Variants in THSD7A observed in about 807,000 individuals in gnomAD.
THSD7A encodes the protein thrombospondin type-1 domain-containing protein 7A.
THSD7A carries 96 observed loss-of-function variants against 231.3 expected under a neutral mutation model. That is an observed-to-expected ratio of 0.41 (90% CI 0.35 to 0.49). The LOEUF (loss-of-function observed/expected upper bound fraction) is 0.49. Among genes scored for constraint, THSD7A ranks in the 20% least tolerant of loss-of-function variants. The pLI is 0.05. For synonymous variants in THSD7A, 940 were observed against 743.3 expected, an observed-to-expected ratio of 1.26 and a Z score of -4.30; for missense variants, 2,290 against 2,070.2, an observed-to-expected ratio of 1.11 and a Z score of -2.06.
intron 1 of THSD7A, among the ~76,000 whole-genome samples, chr7:11,766,363 T>C (rs980112097): frequency 6.6e-6 from 1 of 152,176 alleles, no homozygotes; most frequent in Non-Finnish European, 1.5e-5. Context: ...TACATCTAAC[T>C]AGAATTTTGC....
intron 23 of THSD7A, among the ~76,000 whole-genome samples, chr7:11,392,624 A>C (rs1193757448): frequency 6.6e-6 from 1 of 152,196 alleles, no homozygotes; most frequent in Non-Finnish European, 1.5e-5. Context: ...GCAAGCTAAG[A>C]TCCACTGGCT....
chr7:11,776,623 T>C (rs1421160292), intron 1 of THSD7A, among the ~76,000 whole-genome samples: 1 of 152,222 alleles, frequency 6.6e-6, no homozygotes, highest in Non-Finnish European at 1.5e-5. Flanking sequence ...TTTATAAAAC[T>C]TGAATTTTGT....
chr7:11,761,638 G>A (rs1782864258), intron 1 of THSD7A, among the ~76,000 whole-genome samples: 1 of 152,134 alleles, frequency 6.6e-6, no homozygotes, highest in African/African-American at 2.4e-5. Flanking sequence ...ATCTATGGTT[G>A]CAAATACCTT....
At chr7:11,580,984 G>C (rs1450171379) in intron 4 of THSD7A, among the ~76,000 whole-genome samples, 1 of 152,076 alleles carries the variant, frequency 6.6e-6, no homozygotes, top group Non-Finnish European at 1.5e-5. Context: ...TATTTGTTGA[G>C]TGAATGAAAG....
intron 1 of THSD7A, among the ~76,000 whole-genome samples, chr7:11,788,472 G>C (rs1783856079): frequency 6.6e-6 from 1 of 151,908 alleles, no homozygotes; most frequent in Non-Finnish European, 1.5e-5. Context: ...AGAGCCTCTT[G>C]TTATTATTCA....
intron 4 of THSD7A, among the ~76,000 whole-genome samples, chr7:11,567,515 T>G (rs1790410065): frequency 6.6e-6 from 1 of 152,216 alleles, no homozygotes; most frequent in Non-Finnish European, 1.5e-5. Context: ...GGAAGAAATT[T>G]TATTGCTTTC....
intron 1 of THSD7A, among the ~76,000 whole-genome samples, chr7:11,792,566 G>C (rs2128178453): frequency 6.6e-6 from 1 of 152,006 alleles, no homozygotes; most frequent in Non-Finnish European, 1.5e-5. Flanking sequence ...CATTTGAATA[G>C]CCTAGCTCTG....
At chr7:11,812,348 G>A (rs1430270909) in intron 1 of THSD7A, among the ~76,000 whole-genome samples, 1 of 152,070 alleles carries the variant, frequency 6.6e-6, no homozygotes, top group African/African-American at 2.4e-5. Context: ...TACTGAAACT[G>A]AATATTTAGT....
intron 19 of THSD7A, among the ~76,000 whole-genome samples, chr7:11,408,903 G>T (rs567286667): frequency 7.9e-5 from 12 of 152,280 alleles, no homozygotes; most frequent in Middle Eastern, 6.8e-3. Flanking sequence ...TTGGAGATAG[G>T]AATCTTGAGG....
chr7:11,463,799 CT>C (rs1380484727), intron 9 of THSD7A, among the ~76,000 whole-genome samples: 1 of 152,114 alleles, frequency 6.6e-6, no homozygotes, highest in Non-Finnish European at 1.5e-5. Context: ...TAGGGAAGAT[CT>C]AAGAAATGTC....
intron 16 of THSD7A, 74 bp downstream of exon 16, chr7:11,424,622 A>G (rs896359163): frequency 6.3e-7 from 1 of 1,580,182 alleles, no homozygotes; most frequent in African/African-American, 1.3e-5. Flanking sequence ...AGGAGTGAAC[A>G]GTCATGTTGG....
intron 6 of THSD7A, among the ~76,000 whole-genome samples, chr7:11,501,497 C>A (rs1353917173): frequency 1.3e-5 from 2 of 152,118 alleles, no homozygotes; most frequent in African/African-American, 2.4e-5. Flanking sequence ...CAGACAATTA[C>A]ATAGAAATTA....
At chr7:11,595,352 T>A (rs183266562) in intron 2 of THSD7A, among the ~76,000 whole-genome samples, 29 of 152,152 alleles carry the variant, frequency 1.9e-4, no homozygotes, top group African/African-American at 6.7e-4. Flanking sequence ...ATTAAGAGTG[T>A]GGGGTAATGG....
At chr7:11,492,706 T>C (rs114414913) in intron 6 of THSD7A, among the ~76,000 whole-genome samples, 1,585 of 152,170 alleles carry the variant, frequency 0.01, 32 homozygotes, top group African/African-American at 0.036. Flanking sequence ...AAGAGCAATA[T>C]AAATGTAGGA....
intron 1 of THSD7A, among the ~76,000 whole-genome samples, chr7:11,692,074 G>C (rs1249168989): frequency 6.6e-6 from 1 of 151,514 alleles, no homozygotes; most frequent in Non-Finnish European, 1.5e-5. Flanking sequence ...GTGTAAGAGA[G>C]GCTGCTTGTG....
chr7:11,387,566 G>A (rs1562567923), intron 23 of THSD7A, among the ~76,000 whole-genome samples: 2 of 152,196 alleles, frequency 1.3e-5, no homozygotes, highest in African/African-American at 4.8e-5. Context: ...TTTGTATCCT[G>A]AGACTTTGCT....
chr7:11,472,997 A>C (rs1027022682), intron 8 of THSD7A, among the ~76,000 whole-genome samples: 3 of 152,162 alleles, frequency 2.0e-5, no homozygotes, highest in Admixed American at 6.6e-5. Flanking sequence ...ACTGTACATT[A>C]ATTTCCTGAG....
intron 6 of THSD7A, among the ~76,000 whole-genome samples, chr7:11,519,797 AG>A (rs140434708): frequency 0.016 from 2,462 of 152,302 alleles, 59 homozygotes; most frequent in African/African-American, 0.055. Flanking sequence ...TTCCCCAAAA[AG>A]CTTTCAAGTA....
chr7:11,505,687 C>T (rs563065914), intron 6 of THSD7A, among the ~76,000 whole-genome samples: 2 of 152,218 alleles, frequency 1.3e-5, no homozygotes, highest in East Asian at 1.9e-4. Context: ...AATAAGAATG[C>T]ATACAACATT....
Sources: allele counts gnomAD v4.1 joint callset (sites outside exome capture counted in the v4.1 genomes callset), GRCh38; gene constraint gnomAD v4.1.1; transcripts MANE v1.5; gene names NCBI Gene and HGNC (gene_info 2026-07-23, HGNC 2026-07-21).